SFMBT2: variants seen among roughly 807,000 people sequenced by gnomAD.
SFMBT2 encodes the protein scm-like with four MBT domains protein 2.
In SFMBT2, 38 loss-of-function variants were observed where a neutral mutation model predicts 110.1. The ratio of observed to expected loss-of-function variants is 0.35; its 90% CI spans 0.27 to 0.45. The LOEUF is 0.45. SFMBT2 is among the 20% of genes least tolerant of loss of function. The probability of loss-of-function intolerance (pLI) is 1.00; values close to 1 mark genes in which losing one functional copy is unlikely to be tolerated. For synonymous variants in SFMBT2, 425 were observed against 425.4 expected (o/e 1.00, Z 0.01); for missense variants, 1,011 against 1,094.9 (o/e 0.92, Z 1.08).
intron 5 of SFMBT2, chr10:7,285,506 T>C (rs1424502366): frequency 1.1e-5 from 2 of 177,084 alleles, no homozygotes; most frequent in Non-Finnish European, 2.4e-5. Context: ...ACATACATGA[T>C]CTTGTCACCT....
rs1002980870 is a variant in SFMBT2 at position 7,334,787 on chromosome 10, G to A, written c.436+32862C>T. Among the ~76,000 whole-genome samples, 7 of 152,146 alleles carry A rather than the reference G, an allele frequency of 4.6e-5. No homozygotes were observed. In the East Asian group the frequency reaches 1.3e-3, roughly 29 times the overall value. ...CTCGAGTGCTTTGGGCTGCCTTGCG[G>A]AACTCAGCTTCATTTGTTAACCTCC... On this transcript the variant is annotated intron_variant, in intron 4 of 20. Transcript: ENST00000397167.
chr10:7,310,770 A>G (rs1842829318), intron 4 of SFMBT2, among the ~76,000 whole-genome samples: 1 of 152,160 alleles, frequency 6.6e-6, no homozygotes, highest in Non-Finnish European at 1.5e-5. Flanking sequence ...CCAGGGCTAG[A>G]CGCGGTGGCT....
chr10:7,309,349 T>C (rs1316845435), intron 4 of SFMBT2, among the ~76,000 whole-genome samples: 1 of 152,242 alleles, frequency 6.6e-6, no homozygotes, highest in African/African-American at 2.4e-5. Context: ...GATGGTCTCA[T>C]CAGCCAGGTA....
chr10:7,193,967 C>G (rs2131587658), intron 15 of SFMBT2, among the ~76,000 whole-genome samples: 1 of 152,250 alleles, frequency 6.6e-6, no homozygotes, highest in East Asian at 1.9e-4. Context: ...AAAAGATGCT[C>G]CCAATGGACA....
At chr10:7,201,445 T>C (rs1453426122) in intron 13 of SFMBT2, among the ~76,000 whole-genome samples, 2 of 152,202 alleles carry the variant, frequency 1.3e-5, no homozygotes, top group Admixed American at 6.5e-5. Flanking sequence ...AGGCGTGTTA[T>C]GAAATCTCTC....
chr10:7,375,817 G>A (rs925910041), intron 2 of SFMBT2, among the ~76,000 whole-genome samples: 11 of 149,784 alleles, frequency 7.3e-5, no homozygotes, highest in Non-Finnish European at 1.3e-4. Context: ...CCTAGCCAGG[G>A]GAAGCCACAG....
intron 2 of SFMBT2, among the ~76,000 whole-genome samples, chr10:7,376,831 T>C (rs1236075113): frequency 8.9e-6 from 1 of 112,638 alleles, no homozygotes; most frequent in African/African-American, 3.6e-5. Flanking sequence ...CATAGCCTCA[T>C]AGCATCTCGG....
At chr10:7,246,243 C>T (rs1222928535) in intron 8 of SFMBT2, 1 of 807,792 alleles carries the variant, frequency 1.2e-6, no homozygotes, top group Non-Finnish European at 1.5e-6. Context: ...AGTAAAAATA[C>T]TTTCTCCCTC....
chr10:7,351,689 G>A (rs185352227), intron 4 of SFMBT2, among the ~76,000 whole-genome samples: 1 of 152,060 alleles, frequency 6.6e-6, no homozygotes, highest in Admixed American at 6.6e-5. Flanking sequence ...GAGCTCACAG[G>A]GGGTAAAAAG....
chr10:7,373,127 T>C (rs1167373829), intron 2 of SFMBT2, among the ~76,000 whole-genome samples: 2 of 152,142 alleles, frequency 1.3e-5, no homozygotes, highest in South Asian at 2.1e-4. Context: ...AGATCCCTCA[T>C]GACTAGATTA....
intron 4 of SFMBT2, among the ~76,000 whole-genome samples, chr10:7,302,906 G>C (rs1403608228): frequency 6.6e-6 from 1 of 151,942 alleles, no homozygotes; most frequent in Non-Finnish European, 1.5e-5. Flanking sequence ...TTTAGAATAA[G>C]TAAAGTTCCT....
At chr10:7,351,593 C>T (rs1318570936) in intron 4 of SFMBT2, among the ~76,000 whole-genome samples, 1 of 152,164 alleles carries the variant, frequency 6.6e-6, no homozygotes, top group Non-Finnish European at 1.5e-5. Context: ...AAAACATTCA[C>T]GCAGCCTTAC....
intron 4 of SFMBT2, among the ~76,000 whole-genome samples, chr10:7,326,828 C>T (rs865829735): frequency 2.0e-5 from 3 of 152,132 alleles, no homozygotes; most frequent in Admixed American, 6.5e-5. Flanking sequence ...GTTTCCTGGT[C>T]CCAAAGCAAC....
At chr10:7,270,159 T>C (rs911753015) in intron 7 of SFMBT2, among the ~76,000 whole-genome samples, 9 of 152,040 alleles carry the variant, frequency 5.9e-5, no homozygotes, top group Admixed American at 3.3e-4. Context: ...AGAGAGAAAT[T>C]TGAACAGATG....
At chr10:7,330,737 T>C (rs1356832758) in intron 4 of SFMBT2, among the ~76,000 whole-genome samples, 2 of 152,166 alleles carry the variant, frequency 1.3e-5, no homozygotes, top group African/African-American at 2.4e-5. Flanking sequence ...TCCCATATAA[T>C]ATGCCCCTTC....
intron 4 of SFMBT2, among the ~76,000 whole-genome samples, chr10:7,315,116 A>AAGAAAGAAAGAAAG (rs1278252303): frequency 2.8e-5 from 3 of 105,276 alleles, no homozygotes; most frequent in Non-Finnish European, 7.1e-5. Flanking sequence ...AAGAAAAAGC[A>AAGAAAGAAAGAAAG]AGCAAGCAAG....
intron 4 of SFMBT2, among the ~76,000 whole-genome samples, chr10:7,311,938 C>T (rs1438875614): frequency 6.6e-6 from 1 of 152,050 alleles, no homozygotes; most frequent in Non-Finnish European, 1.5e-5. Context: ...TCTTCATTTC[C>T]CTGGCCCAGA....
At chr10:7,322,143 T>TG (rs1843210738) in intron 4 of SFMBT2, among the ~76,000 whole-genome samples, 2 of 152,176 alleles carry the variant, frequency 1.3e-5, no homozygotes, top group African/African-American at 4.8e-5. Flanking sequence ...AATTGAATCA[T>TG]GGGGGTGGGT....
intron 1 of SFMBT2, among the ~76,000 whole-genome samples, chr10:7,403,035 T>G (rs1042071415): frequency 3.3e-5 from 5 of 152,212 alleles, no homozygotes; most frequent in African/African-American, 1.2e-4. Context: ...ATTTCAGAAA[T>G]TCAACACTTT....
Sources: gnomAD v4.1 joint callset for allele counts (sites outside exome capture counted in the v4.1 genomes callset) on GRCh38, gnomAD v4.1.1 for gene constraint, MANE v1.5 for transcripts, NCBI Gene and HGNC (gene_info 2026-07-23, HGNC 2026-07-21) for gene names.